ANKFY1: variants seen among roughly 807,000 people sequenced by gnomAD.
The protein encoded by ANKFY1 is ankyrin repeat and FYVE domain-containing protein 1.
In ANKFY1, 47 loss-of-function variants were observed where a neutral mutation model predicts 128.3. That is an observed-to-expected ratio of 0.37 (90% confidence interval 0.29 to 0.47). The LOEUF is 0.47. ANKFY1 is among the 20% of genes least tolerant of loss of function. The pLI, the probability that ANKFY1 is intolerant of heterozygous loss-of-function variation, is 1.00. For synonymous variants in ANKFY1, 553 were observed against 601.6 expected (o/e 0.92, Z 1.18); for missense variants, 1,222 against 1,510.6 (o/e 0.81, Z 3.17).
Position 4,190,111 on chromosome 17 carries a change from C to T in ANKFY1, c.1373-632G>A, listed in dbSNP as rs142988004. Among the ~76,000 whole-genome samples the T allele has an allele frequency of 3.3e-3, 506 of 152,192 alleles. 6 individuals are homozygous for T. The highest frequency in any genetic ancestry group is 0.012 in the African/African-American group (478 of 41,530). On this transcript the variant is annotated intron_variant, in intron 10 of 24. Coordinates refer to ENST00000341657, the MANE Select transcript of ANKFY1 (RefSeq NM_001330063.2). ...TCTGTTCTGCACACTGTACAATGTT[C>T]GGCAGCATCCTCTGAACTTAAAGAC...
intron 3 of ANKFY1, chr17:4,223,169 G>C (rs2060357043): frequency 2.5e-6 from 2 of 796,388 alleles, no homozygotes; most frequent in Non-Finnish European, 4.5e-6. Flanking sequence ...GATGCTCACT[G>C]AAAGTCGTAA....
chr17:4,189,559 C>A (rs916305933), intron 10 of ANKFY1, 80 bp from the exon 11 acceptor site: 36 of 1,277,194 alleles, frequency 2.8e-5, no homozygotes, highest in Non-Finnish European at 3.7e-5. Context: ...CTCTTCCCTG[C>A]CACCCTATGA....
At chr17:4,197,715 G>T (rs2059852235) in intron 7 of ANKFY1, 138 bp from the exon 8 acceptor site, 1 of 772,934 alleles carries the variant, frequency 1.3e-6, no homozygotes, top group South Asian at 1.7e-5. Flanking sequence ...TGGGGCATCT[G>T]TAAGTGGAAA....
At position 4,194,981 on chromosome 17, in the gene ANKFY1, T is replaced by C; in HGVS notation, c.1369A>G (p.Thr457Ala). 2 of 1,614,230 alleles carry C rather than the reference T, an allele frequency of 1.2e-6. No individual in the cohort carries two copies. Among genetic ancestry groups the C allele is most frequent in the Non-Finnish European group, 1.7e-6 (2 of 1,180,040 alleles). Residue 457 changes from threonine (T) to alanine (A), a missense_variant, in exon 10 of 25, where the codon ACA (threonine) becomes GCA (alanine). By Grantham distance (58) the Thr-to-Ala change is moderately conservative. Transcript: ENST00000341657. The part of the protein sequence containing the change: ...GSHTDAPDTA[T>A]GNCLLQRAAG... Reference sequence around the variant, plus strand: ...CTTCGGGAGGCACGTGCTTTACCTGTCGCCGTGTCAGGTGCGTCTGTGTGG... The same window carrying C: ...CTTCGGGAGGCACGTGCTTTACCTGCCGCCGTGTCAGGTGCGTCTGTGTGG...
intron 1 of ANKFY1, among the ~76,000 whole-genome samples, chr17:4,258,599 T>C (rs1450550927): frequency 1.3e-5 from 2 of 152,110 alleles, no homozygotes; most frequent in Admixed American, 6.6e-5. Context: ...AATGAAGCAT[T>C]TTCTGGAACA....
chr17:4,181,917 C>A lies in ANKFY1; in HGVS notation c.2121+264G>T, dbSNP rs1479879691. Among the ~76,000 whole-genome samples the A allele has an allele frequency of 4.6e-5, 7 of 152,168 alleles. No individual in the cohort carries two copies. The highest frequency in any genetic ancestry group is 1.0e-4 in the Non-Finnish European group (7 of 68,018). ...TGAGGACACCCCATAGCAAATCAAC[C>A]AACCCCAGGAGAAGGCTCCTGAGGA... is the stretch of plus-strand genomic sequence containing the variant. On this transcript the variant is annotated intron_variant, in intron 15 of 24. Transcript: ENST00000341657. The surrounding 1 kb of genome is among the most constrained non-coding windows in gnomAD (Gnocchi z 4.9).
intron 3 of ANKFY1, among the ~76,000 whole-genome samples, chr17:4,221,400 AAG>A (rs2060309473): frequency 6.6e-6 from 1 of 152,012 alleles, no homozygotes; most frequent in Non-Finnish European, 1.5e-5. Context: ...TTAGGAGAGA[AAG>A]AGTTTCGTCA....
chr17:4,211,713 T>C (rs1030469870), intron 4 of ANKFY1, among the ~76,000 whole-genome samples: 2 of 151,294 alleles, frequency 1.3e-5, no homozygotes, highest in African/African-American at 4.9e-5. Flanking sequence ...ACCAAAACAA[T>C]TGAGAAATTA....
intron 1 of ANKFY1, among the ~76,000 whole-genome samples, chr17:4,255,213 T>C (rs1968050428): frequency 6.6e-6 from 1 of 152,000 alleles, no homozygotes; most frequent in African/African-American, 2.4e-5. Flanking sequence ...GCCAAAACTT[T>C]AGCAATGAAT....
rs901269587 is a variant in ANKFY1 at position 4,165,738 on chromosome 17, T to C, written c.*2041A>G. The C allele has an allele frequency of 1.4e-4, 22 of 152,214 alleles. No individual in the cohort carries two copies. The highest frequency in any genetic ancestry group is 4.8e-4 in the African/African-American group (20 of 41,448). The allele number at this position is 152,214 out of a possible 1,614,324, so 9.4% of individuals were successfully genotyped here. A position where few individuals can be genotyped will look rare whatever the true frequency, so the allele number is the denominator to read the frequency against. ...TGAAACATGATCTTAAGATTCTGAGTGCAATGACAGGCAAGATTGTTATTG... is the reference window on the plus strand; with the variant it reads ...TGAAACATGATCTTAAGATTCTGAGCGCAATGACAGGCAAGATTGTTATTG... On this transcript the variant is annotated 3_prime_UTR_variant, in exon 25 of 25. Coordinates refer to ENST00000341657, the MANE Select transcript of ANKFY1 (RefSeq NM_001330063.2).
intron 7 of ANKFY1, among the ~76,000 whole-genome samples, chr17:4,200,108 C>G (rs895509476): frequency 1.6e-4 from 24 of 149,812 alleles, no homozygotes; most frequent in African/African-American, 5.6e-4. Context: ...GTCACCCAGG[C>G]TGAAGTGCAG....
chr17:4,181,257 C>T lies in ANKFY1; in HGVS notation c.2237G>A (p.Arg746His), dbSNP rs762073269. ...GAGATACTGGGGACTCTCAGACCTG[C>T]GAATAAGAAAGCAGGCGGTGGGCTC... Reference protein sequence around the residue: ...NNEPTACFLIRSGCDVNSPRQ... With the variant: ...NNEPTACFLIHSGCDVNSPRQ... Residue 746 changes from arginine to histidine, a missense_variant, in exon 16 of 25, where the codon CGC becomes CAC. Transcript: ENST00000341657. This position sits in a 1 kb window ranked among gnomAD's most constrained non-coding sequence, Gnocchi z 4.9. The T allele has an allele frequency of 1.5e-5, 24 of 1,613,238 alleles. No homozygotes were observed. The East Asian group carries it at 1.8e-4, about 12-fold the overall frequency.
At chr17:4,229,704 T>G (rs1317385750) in intron 3 of ANKFY1, among the ~76,000 whole-genome samples, 1 of 152,234 alleles carries the variant, frequency 6.6e-6, no homozygotes, top group Non-Finnish European at 1.5e-5. Context: ...TTTTGAGCTC[T>G]GAGAGAATCT....
intron 8 of ANKFY1, among the ~76,000 whole-genome samples, chr17:4,196,205 G>A (rs923934144): frequency 1.4e-5 from 2 of 140,652 alleles, no homozygotes; most frequent in Admixed American, 7.5e-5. Flanking sequence ...CGAGTTTATT[G>A]CCGTTGGAGG....
chr17:4,198,561 G>A lies in ANKFY1; in HGVS notation c.899-984C>T, dbSNP rs1261513350. Among the ~76,000 whole-genome samples the A allele has an allele frequency of 3.9e-5, 6 of 151,902 alleles. No homozygotes were observed. In the South Asian group the frequency reaches 6.2e-4, roughly 16 times the overall value. Reference sequence around the variant, plus strand: ...TAATTTTTTGTATTTTAGTAGGGACGGGGTTTCACCATGATGTACAGGCTG... The same window carrying A: ...TAATTTTTTGTATTTTAGTAGGGACAGGGTTTCACCATGATGTACAGGCTG... On this transcript the variant is annotated intron_variant, in intron 7 of 24. Coordinates refer to ENST00000341657, the MANE Select transcript of ANKFY1 (RefSeq NM_001330063.2).
At position 4,173,945 on chromosome 17, in the gene ANKFY1, C is replaced by A. The variant is rs758432380; in HGVS notation, c.2887G>T (p.Val963Leu). The A allele has an allele frequency of 1.9e-6, 3 of 1,613,932 alleles. No individual in the cohort carries two copies. The African/African-American group carries it at 4.0e-5, about 22-fold the overall frequency. ...TICSVLLENG[V>L]DFAAVDENGN... ...TTCTCATCCACGGCAGCAAAGTCCACGCCATTCTCTAGGAGGACTGAGCAG... is the reference window on the plus strand; with the variant it reads ...TTCTCATCCACGGCAGCAAAGTCCAAGCCATTCTCTAGGAGGACTGAGCAG... Residue 963 changes from valine to leucine, a missense_variant, in exon 20 of 25, where the codon GTG (valine) becomes TTG (leucine). By Grantham distance (32) the Val-to-Leu change is conservative. Transcript: ENST00000341657.
chr17:4,179,204 A>G (rs1238662498), intron 17 of ANKFY1, 147 bp from the exon 18 acceptor site: 2 of 843,472 alleles, frequency 2.4e-6, no homozygotes, highest in East Asian at 5.3e-5. Context: ...TGAAGAGGCC[A>G]AAGAGAAATG....
intron 3 of ANKFY1, chr17:4,222,700 CG>C: frequency 2.3e-6 from 2 of 864,416 alleles, no homozygotes; most frequent in Non-Finnish European, 4.0e-6. Flanking sequence ...ACCACTTCTA[CG>C]CGTGTTTTAT....
In ANKFY1 at chr17:4,225,054, T is replaced by TA. The variant is rs1297217933; in HGVS notation, c.323-7937_323-7936insT. On this transcript the variant is annotated intron_variant, in intron 3 of 24. Transcript: ENST00000341657. ...AAAAATTAAAGGATTTGTTTTATATTTAAAAAAAAAAACTTTTTAGGCTGG... is the reference window on the plus strand; with the variant it reads ...AAAAATTAAAGGATTTGTTTTATATTATAAAAAAAAAAACTTTTTAGGCTGG... Among the ~76,000 whole-genome samples the TA allele has an allele frequency of 1.2e-4, 15 of 127,254 alleles. 1 individual carries two copies. Among genetic ancestry groups the TA allele is most frequent in the Middle Eastern group, 8.4e-3 (2 of 238 alleles). 83.5% of individuals were successfully genotyped at this position (127,254 alleles called of 152,430 possible).
Sources: gnomAD v4.1 joint callset for allele counts (sites outside exome capture counted in the v4.1 genomes callset) on GRCh38, gnomAD v4.1.1 for gene constraint, Gnocchi (gnomAD v3.1) non-coding constraint, MANE v1.5 for transcripts, NCBI Gene and HGNC (gene_info 2026-07-23, HGNC 2026-07-21) for gene names.